Variants in TBL1XR1 observed in about 807,000 individuals in gnomAD.
The protein encoded by TBL1XR1 is TBL1X/Y related 1, also known as F-box-like/WD repeat-containing protein TBL1XR1.
TBL1XR1 carries 5 observed loss-of-function variants against 66.9 expected under a neutral mutation model. The ratio of observed to expected loss-of-function variants is 0.07; its 90% CI spans 0.04 to 0.16. The LOEUF (loss-of-function observed/expected upper bound fraction) is 0.16. TBL1XR1 is among the 10% of genes least tolerant of loss of function. TBL1XR1 has a pLI of 1.00. For missense variants in TBL1XR1, 238 were observed against 623.2 expected, an observed-to-expected ratio of 0.38 and a Z score of 6.58; for synonymous variants, 210 against 206.0, an observed-to-expected ratio of 1.02 and a Z score of -0.17.
At chr3:177,083,156 T>C (rs1293322017) in intron 2 of TBL1XR1, among the ~76,000 whole-genome samples, 6 of 152,098 alleles carry the variant, frequency 3.9e-5, no homozygotes, top group Admixed American at 1.3e-4. Context: ...TAAATGACTA[T>C]TGGTCAATTA....
chr3:177,119,905 A>G (rs1726778461), intron 1 of TBL1XR1, among the ~76,000 whole-genome samples: 1 of 152,190 alleles, frequency 6.6e-6, no homozygotes, highest in Non-Finnish European at 1.5e-5. Context: ...TTCAAATTTC[A>G]GGGAGAAAGA....
chr3:177,077,273 A>C (rs546603501), intron 2 of TBL1XR1, among the ~76,000 whole-genome samples: 16 of 152,214 alleles, frequency 1.1e-4, no homozygotes, highest in Non-Finnish European at 2.1e-4. Context: ...TAATAGTTTT[A>C]TTAGTATTAT....
intron 11 of TBL1XR1, 67 bp from the exon 12 acceptor site, chr3:177,038,239 T>C: frequency 6.3e-7 from 1 of 1,599,010 alleles, no homozygotes; most frequent in Non-Finnish European, 8.5e-7. Context: ...ATATTAAACA[T>C]ACATACTTTA....
At chr3:177,201,466 A>AT (rs1737339559), upstream of TBL1XR1, among the ~76,000 whole-genome samples, 1 of 150,746 alleles carries the variant, frequency 6.6e-6, no homozygotes, top group African/African-American at 2.4e-5. Flanking sequence ...TTTCAGTAAT[A>AT]TTTTTCCGAG....
intron 3 of TBL1XR1, among the ~76,000 whole-genome samples, chr3:177,056,191 A>G (rs947984395): frequency 1.3e-5 from 2 of 152,216 alleles, no homozygotes; most frequent in Non-Finnish European, 2.9e-5. Flanking sequence ...TGACTTATGT[A>G]ATGCTTATAA....
intron 2 of TBL1XR1, among the ~76,000 whole-genome samples, chr3:177,078,362 C>T (rs1329854781): frequency 6.6e-6 from 1 of 151,294 alleles, no homozygotes; most frequent in African/African-American, 2.4e-5. Context: ...GGGGCAGAGG[C>T]GGGAGGATCA....
At position 177,080,071 on chromosome 3, in the gene TBL1XR1, A is replaced by T. The variant is rs543304014; in HGVS notation, c.-45-15049T>A. 3 of 152,336 alleles carry T rather than the reference A, an allele frequency of 2.0e-5. No individual in the cohort carries two copies. In the South Asian group the frequency reaches 6.2e-4, roughly 32 times the overall value. 9.4% of individuals were successfully genotyped at this position (152,336 alleles called of 1,614,324 possible). ...AAGATTTCTGTTAACAGTAAGGTTTAACTGTTAACACTGGAAACAGCAGTA... is the reference window on the plus strand; with the variant it reads ...AAGATTTCTGTTAACAGTAAGGTTTTACTGTTAACACTGGAAACAGCAGTA... On this transcript the variant is annotated intron_variant, in intron 2 of 15. Transcript: ENST00000457928.
At chr3:177,076,215 C>T (rs997597424) in intron 2 of TBL1XR1, among the ~76,000 whole-genome samples, 5 of 152,204 alleles carry the variant, frequency 3.3e-5, no homozygotes, top group African/African-American at 1.2e-4. Context: ...ATGTCTTAAG[C>T]ACTTCCAAAA....
chr3:177,054,408 C>T (rs1455186388), intron 3 of TBL1XR1, among the ~76,000 whole-genome samples: 1 of 152,108 alleles, frequency 6.6e-6, no homozygotes, highest in Non-Finnish European at 1.5e-5. Context: ...AAGTATTCAG[C>T]ATCTCTCAAA....
chr3:177,138,313 C>T (rs563019232), intron 1 of TBL1XR1, among the ~76,000 whole-genome samples: 8 of 152,232 alleles, frequency 5.3e-5, no homozygotes, highest in African/African-American at 1.9e-4. Context: ...GGTGGGCATT[C>T]GCTGGGTGCA....
intron 1 of TBL1XR1, among the ~76,000 whole-genome samples, chr3:177,173,436 A>T (rs1441722635): frequency 6.6e-6 from 1 of 152,200 alleles, no homozygotes; most frequent in African/African-American, 2.4e-5. Context: ...CACCAAGATT[A>T]AAATATACCA....
chr3:177,171,875 T>G (rs551275342), intron 1 of TBL1XR1, among the ~76,000 whole-genome samples: 1 of 152,058 alleles, frequency 6.6e-6, no homozygotes, highest in African/African-American at 2.4e-5. Context: ...GGACAGAGCA[T>G]GTTGAAAGGG....
chr3:177,129,557 A>G (rs1358982809), intron 1 of TBL1XR1, among the ~76,000 whole-genome samples: 1 of 152,228 alleles, frequency 6.6e-6, no homozygotes, highest in Non-Finnish European at 1.5e-5. Context: ...ACTTTAAGTC[A>G]GGATAATGGT....
chr3:177,186,721 A>C (rs1735455238), intron 1 of TBL1XR1, among the ~76,000 whole-genome samples: 1 of 152,178 alleles, frequency 6.6e-6, no homozygotes, highest in Admixed American at 6.5e-5. Context: ...TACTCTATGA[A>C]AGGCTGTAGA....
intron 1 of TBL1XR1, among the ~76,000 whole-genome samples, chr3:177,140,030 C>T (rs146208892): frequency 7.2e-5 from 11 of 152,146 alleles, no homozygotes; most frequent in South Asian, 4.1e-4. Flanking sequence ...CAGCCAGGTG[C>T]GGTGGCTCAC....
At position 177,146,332 on chromosome 3, in the gene TBL1XR1, G is replaced by A. The variant is rs1253929736; in HGVS notation, c.-121-47791C>T. ...TGGGAGTTTTGCTCTTGTTGCCCAC[G>A]CTGGAGTGCAATGGCGTGATCTCGG... On this transcript the variant is annotated intron_variant, in intron 1 of 15. Coordinates refer to ENST00000457928, the MANE Select transcript of TBL1XR1 (RefSeq NM_024665.7). 2.0e-5 allele frequency among the ~76,000 whole-genome samples: 3 copies of A among 151,926 alleles called. No individual in the cohort carries two copies. In the South Asian group the frequency reaches 6.3e-4, roughly 32 times the overall value.
chr3:177,124,611 T>C (rs1407293751), intron 1 of TBL1XR1, among the ~76,000 whole-genome samples: 35 of 152,098 alleles, frequency 2.3e-4, no homozygotes, highest in Non-Finnish European at 1.5e-5. Context: ...CTCATTCTCA[T>C]TTAAAAAATG....
At chr3:177,170,237 G>T (rs941610076) in intron 1 of TBL1XR1, among the ~76,000 whole-genome samples, 1 of 151,960 alleles carries the variant, frequency 6.6e-6, no homozygotes, top group Admixed American at 6.6e-5. Context: ...TTATCCACAA[G>T]CCTCTCATGA....
intron 2 of TBL1XR1, among the ~76,000 whole-genome samples, chr3:177,078,456 G>C (rs1720964131): frequency 1.3e-5 from 2 of 151,574 alleles, no homozygotes; most frequent in Admixed American, 1.3e-4. Flanking sequence ...ATGGTGGCAT[G>C]AACCTGTAGT....
Sources: allele counts gnomAD v4.1 joint callset (sites outside exome capture counted in the v4.1 genomes callset), GRCh38; gene constraint gnomAD v4.1.1; transcripts MANE v1.5; gene names NCBI Gene and HGNC (gene_info 2026-07-23, HGNC 2026-07-21).